Variants in EPHA6 observed in about 807,000 individuals in gnomAD.
The protein encoded by EPHA6 is EPH receptor A6, also known as ephrin type-A receptor 6.
A neutral mutation model predicts 112.0 loss-of-function variants in EPHA6; 50 were observed. The observed-to-expected ratio is 0.45, with a 90% CI of 0.36 to 0.56. The LOEUF (loss-of-function observed/expected upper bound fraction) is 0.56, where lower values mean the gene tolerates loss of function less well. Among genes scored for constraint, EPHA6 ranks in the 20% least tolerant of loss-of-function variants. The pLI is 0.00. For missense variants in EPHA6, 1,280 were observed against 1,417.4 expected, an observed-to-expected ratio of 0.90 and a Z score of 1.56; for synonymous variants, 529 against 490.7, an observed-to-expected ratio of 1.08 and a Z score of -1.03.
At chr3:96,883,887 G>A (rs998557034) in intron 2 of EPHA6, among the ~76,000 whole-genome samples, 1 of 152,052 alleles carries the variant, frequency 6.6e-6, no homozygotes, top group Non-Finnish European at 1.5e-5. Context: ...GGCCAGGCTG[G>A]TCTTGAACTC....
At position 97,017,913 on chromosome 3, in the gene EPHA6, A is replaced by G. The variant is rs370659319; in HGVS notation, c.1114+29920A>G. Reference sequence around the variant, plus strand: ...TTTTCTCTACCTCTTCTTTAAGGCAAGTAACTCTTAGATTTATTCTTCTGA... The same window carrying G: ...TTTTCTCTACCTCTTCTTTAAGGCAGGTAACTCTTAGATTTATTCTTCTGA... On this transcript the variant is annotated intron_variant, in intron 3 of 17. Transcript: ENST00000389672. 2.6e-5 allele frequency among the ~76,000 whole-genome samples: 4 copies of G among 151,284 alleles called. No homozygotes were observed. In the South Asian group the frequency reaches 8.3e-4, roughly 32 times the overall value.
At chr3:96,863,066 T>G (rs1425044250) in intron 1 of EPHA6, among the ~76,000 whole-genome samples, 2 of 152,030 alleles carry the variant, frequency 1.3e-5, no homozygotes, top group Non-Finnish European at 2.9e-5. Context: ...GAACTTTATT[T>G]TATTGCCCCC....
intron 13 of EPHA6, among the ~76,000 whole-genome samples, chr3:97,630,655 C>A (rs574737339): frequency 6.6e-6 from 1 of 152,110 alleles, no homozygotes; most frequent in East Asian, 1.9e-4. Context: ...AGTCCCTGGG[C>A]AGACTTATAG....
chr3:97,000,947 G>T (rs1002618160), intron 3 of EPHA6, among the ~76,000 whole-genome samples: 1 of 144,582 alleles, frequency 6.9e-6, no homozygotes, highest in African/African-American at 2.7e-5. Flanking sequence ...AGGATATTTT[G>T]ATCTGAAAGA....
intron 2 of EPHA6, among the ~76,000 whole-genome samples, chr3:96,876,491 A>G (rs2036960380): frequency 1.3e-5 from 2 of 150,520 alleles, no homozygotes; most frequent in South Asian, 4.2e-4. Context: ...TTTCCAACCC[A>G]TCCCTCATCC....
At chr3:97,441,156 A>C (rs1186192322) in intron 6 of EPHA6, among the ~76,000 whole-genome samples, 1 of 151,964 alleles carries the variant, frequency 6.6e-6, no homozygotes, top group African/African-American at 2.4e-5. Context: ...AGATTGAAAA[A>C]GAAAACTGTA....
intron 3 of EPHA6, among the ~76,000 whole-genome samples, chr3:97,005,690 G>A (rs555801064): frequency 5.9e-5 from 9 of 152,178 alleles, no homozygotes; most frequent in Admixed American, 3.9e-4. Flanking sequence ...TCCTTGTCTT[G>A]TGCCAGTTTT....
intron 3 of EPHA6, among the ~76,000 whole-genome samples, chr3:97,179,536 G>T (rs1361796486): frequency 6.6e-5 from 10 of 152,072 alleles, no homozygotes; most frequent in Admixed American, 6.6e-4. Flanking sequence ...TATTTGAAAA[G>T]ACTTGGGTGT....
At chr3:97,369,501 G>A (rs976698803) in intron 5 of EPHA6, among the ~76,000 whole-genome samples, 3 of 152,230 alleles carry the variant, frequency 2.0e-5, no homozygotes, top group Admixed American at 6.5e-5. Flanking sequence ...CCAAATTTTC[G>A]ACTTTAGCAA....
chr3:97,223,875 T>A lies in EPHA6; in HGVS notation c.1115-2389T>A, dbSNP rs542657808. ...TAATATGGTCGGAAATTATAAAAAA[T>A]TTTTGAATAGAAGAATGTAATGAAT... On this transcript the variant is annotated intron_variant, in intron 3 of 17. Transcript: ENST00000389672. Among the ~76,000 whole-genome samples the A allele has an allele frequency of 2.2e-4, 33 of 152,258 alleles. No individual in the cohort carries two copies. In the East Asian group the frequency reaches 3.5e-3, roughly 16 times the overall value.
intron 2 of EPHA6, among the ~76,000 whole-genome samples, chr3:96,883,997 T>C (rs2037479061): frequency 6.6e-6 from 1 of 152,124 alleles, no homozygotes; most frequent in African/African-American, 2.4e-5. Flanking sequence ...ATTTTATGTT[T>C]TTGTTTGCTT....
At chr3:97,233,594 C>A (rs938728353) in intron 4 of EPHA6, among the ~76,000 whole-genome samples, 1 of 152,046 alleles carries the variant, frequency 6.6e-6, no homozygotes, top group East Asian at 1.9e-4. Flanking sequence ...TATGAATTTG[C>A]CATTATTTAT....
At chr3:97,634,153 A>G (rs2093926442) in intron 13 of EPHA6, among the ~76,000 whole-genome samples, 1 of 152,124 alleles carries the variant, frequency 6.6e-6, no homozygotes, top group Non-Finnish European at 1.5e-5. Flanking sequence ...CTAGGTTATT[A>G]GATCTCTTTG....
chr3:97,698,779 G>A lies in EPHA6; in HGVS notation c.2785-21482G>A, dbSNP rs2033196136. 2.0e-5 allele frequency among the ~76,000 whole-genome samples: 3 copies of A among 152,160 alleles called. No homozygotes were observed. In the South Asian group the frequency reaches 6.2e-4, roughly 32 times the overall value. ...ACCTTCATTTTCCTTGTCTGAAAAT[G>A]GTGACAATCATTTTATTAACCATAA... On this transcript the variant is annotated intron_variant, in intron 14 of 17. Coordinates refer to ENST00000389672, the MANE Select transcript of EPHA6 (RefSeq NM_001080448.3).
In EPHA6 at chr3:97,527,373, G is replaced by A. The variant is rs148408719; in HGVS notation, c.2201-4985G>A. ...TTCACAACCTCATACCCCAATCCAA[G>A]GGCTCCCACAAAGAAATTTTTTATC... On this transcript the variant is annotated intron_variant, in intron 10 of 17. Transcript: ENST00000389672. Among the ~76,000 whole-genome samples the A allele has an allele frequency of 5.6e-3, 848 of 152,082 alleles. 4 individuals are homozygous for A. Among genetic ancestry groups the A allele is most frequent in the African/African-American group, 0.017 (722 of 41,506 alleles).
chr3:97,528,475 C>A (rs76045647), intron 10 of EPHA6, among the ~76,000 whole-genome samples: 5,092 of 152,044 alleles, frequency 0.033, 292 homozygotes, highest in African/African-American at 0.11. Context: ...AGGGAGACAA[C>A]CTGTGGGAGA....
intron 14 of EPHA6, among the ~76,000 whole-genome samples, chr3:97,712,394 C>T (rs192615405): frequency 6.6e-6 from 1 of 152,258 alleles, no homozygotes; most frequent in African/African-American, 2.4e-5. Context: ...ATATTATCAG[C>T]TATCCCCCTG....
intron 7 of EPHA6, among the ~76,000 whole-genome samples, chr3:97,455,912 T>C (rs1054893823): frequency 6.6e-6 from 1 of 151,914 alleles, no homozygotes; most frequent in African/African-American, 2.4e-5. Flanking sequence ...TTTTAAATGA[T>C]GGGAACCAGG....
chr3:97,192,240 C>G (rs60639239), intron 3 of EPHA6, among the ~76,000 whole-genome samples: 17,270 of 151,938 alleles, frequency 0.11, 3,147 homozygotes, highest in African/African-American at 0.39. Flanking sequence ...AGGTTCAAGC[C>G]ACTCTGGTGC....
Sources: allele counts gnomAD v4.1 joint callset (sites outside exome capture counted in the v4.1 genomes callset), GRCh38; gene constraint gnomAD v4.1.1; transcripts MANE v1.5; gene names NCBI Gene and HGNC (gene_info 2026-07-23, HGNC 2026-07-21).